SV2C: variants seen among roughly 807,000 people sequenced by gnomAD.
The protein encoded by SV2C is solute carrier family 22 member B3.
A neutral mutation model predicts 79.7 loss-of-function variants in SV2C; 49 were observed. The observed-to-expected ratio is 0.61, with a 90% confidence interval of 0.49 to 0.78. SV2C has a LOEUF of 0.78. SV2C is among the 30% of genes least tolerant of loss of function. The probability of loss-of-function intolerance (pLI) is 0.00; values close to 1 mark genes in which losing one functional copy is unlikely to be tolerated. For synonymous variants in SV2C, 334 were observed against 333.2 expected (o/e 1.00, Z -0.03); for missense variants, 833 against 912.9 (o/e 0.91, Z 1.13).
rs77037061 is a variant in SV2C at position 76,144,071 on chromosome 5, G to A, written c.580+11741G>A. On this transcript the variant is annotated intron_variant, in intron 2 of 12. Transcript: ENST00000502798. ...AAAAAGTGCACAATCTCAGTTGGTCGTGGTGGTTACGCAACAATGTGAATG... is the reference window on the plus strand; with the variant it reads ...AAAAAGTGCACAATCTCAGTTGGTCATGGTGGTTACGCAACAATGTGAATG... Among the ~76,000 whole-genome samples, 1,409 of 152,228 alleles carry A rather than the reference G, an allele frequency of 9.3e-3. 15 individuals are homozygous for A. Among genetic ancestry groups the A allele is most frequent in the African/African-American group, 0.032 (1,328 of 41,526 alleles).
intron 4 of SV2C, among the ~76,000 whole-genome samples, chr5:76,279,695 C>A (rs77395730): frequency 0.025 from 3,840 of 152,230 alleles, 158 homozygotes; most frequent in African/African-American, 0.085. Context: ...ATAGACCATC[C>A]TTTTGAGGTT....
chr5:76,089,802 T>C (rs953630530), intron 1 of SV2C, among the ~76,000 whole-genome samples: 4 of 152,216 alleles, frequency 2.6e-5, no homozygotes, highest in East Asian at 1.9e-4. Flanking sequence ...TTTTTAACCA[T>C]GAACAAGTTT....
At chr5:76,082,720 A>G (rs1488588154), upstream of SV2C, among the ~76,000 whole-genome samples, 2 of 145,874 alleles carry the variant, frequency 1.4e-5, no homozygotes, top group Non-Finnish European at 3.0e-5. Flanking sequence ...GGCCCTATGT[A>G]GCATTGGGGA....
intron 12 of SV2C, among the ~76,000 whole-genome samples, chr5:76,312,331 C>T (rs973912790): frequency 6.6e-6 from 1 of 152,000 alleles, no homozygotes; most frequent in Non-Finnish European, 1.5e-5. Flanking sequence ...CCACTCACTG[C>T]AATCTCTGCT....
the SV2C span, among the ~76,000 whole-genome samples, chr5:76,047,767 T>C: frequency 1.2e-5 from 1 of 85,806 alleles, no homozygotes; most frequent in Non-Finnish European, 2.7e-5. Context: ...TTTTCTTTTC[T>C]TTTTTTTTTT....
intron 2 of SV2C, among the ~76,000 whole-genome samples, chr5:76,145,173 G>C (rs1749381547): frequency 6.6e-6 from 1 of 152,226 alleles, no homozygotes; most frequent in Non-Finnish European, 1.5e-5. Flanking sequence ...AGCTCCTAGA[G>C]TGGAAGTTAA....
At chr5:75,996,578 A>G in the SV2C span, among the ~76,000 whole-genome samples, 11 of 152,088 alleles carry the variant, frequency 7.2e-5, no homozygotes, top group Non-Finnish European at 1.0e-4. Flanking sequence ...CTTGGGCAGT[A>G]TGGCCATTTT....
chr5:76,096,333 G>GA, intron 1 of SV2C, among the ~76,000 whole-genome samples: 1 of 152,040 alleles, frequency 6.6e-6, no homozygotes, highest in Admixed American at 6.5e-5. Context: ...TTTATGCTGA[G>GA]AAAAAAGGAA....
chr5:75,881,480 T>C, the SV2C span, among the ~76,000 whole-genome samples: 1 of 152,158 alleles, frequency 6.6e-6, no homozygotes, highest in Admixed American at 6.5e-5. Context: ...TCTTGAGCAG[T>C]GGTTTGTAGT....
At chr5:76,124,263 C>G (rs962387590) in intron 1 of SV2C, among the ~76,000 whole-genome samples, 9 of 152,102 alleles carry the variant, frequency 5.9e-5, no homozygotes, top group Admixed American at 5.2e-4. Context: ...ATGAAAACTC[C>G]CCATTCCCCA....
chr5:76,130,013 C>G (rs1748826289), intron 1 of SV2C, among the ~76,000 whole-genome samples: 1 of 151,734 alleles, frequency 6.6e-6, no homozygotes, highest in African/African-American at 2.4e-5. Context: ...CTCTCTGCCC[C>G]TTTTCCCTGA....
chr5:76,094,135 C>T (rs982644283), intron 1 of SV2C, among the ~76,000 whole-genome samples: 1 of 152,240 alleles, frequency 6.6e-6, no homozygotes, highest in East Asian at 1.9e-4. Context: ...AGTTTCAGCA[C>T]TATAAGAAAC....
the SV2C span, among the ~76,000 whole-genome samples, chr5:75,909,467 G>A: frequency 8.2e-4 from 125 of 152,328 alleles, no homozygotes; most frequent in Non-Finnish European, 1.6e-3. Context: ...TTGACATACT[G>A]TAGGAGTGCC....
At chr5:75,960,729 T>G in the SV2C span, among the ~76,000 whole-genome samples, 4 of 152,002 alleles carry the variant, frequency 2.6e-5, no homozygotes, top group African/African-American at 9.7e-5. Flanking sequence ...TCAGAAAGTG[T>G]CCCTGTCATT....
intron 12 of SV2C, among the ~76,000 whole-genome samples, chr5:76,343,580 A>G (rs1411631990): frequency 6.6e-6 from 1 of 152,232 alleles, no homozygotes; most frequent in Non-Finnish European, 1.5e-5. Flanking sequence ...GCTGACAAGG[A>G]GCACTCACCA....
the SV2C span, among the ~76,000 whole-genome samples, chr5:76,066,078 C>T: frequency 2.0e-5 from 3 of 152,100 alleles, no homozygotes; most frequent in African/African-American, 4.8e-5. Context: ...TACCATTTGA[C>T]CCAGCCATCC....
intron 1 of SV2C, among the ~76,000 whole-genome samples, chr5:76,092,789 A>G (rs554247753): frequency 1.4e-4 from 22 of 152,122 alleles, no homozygotes; most frequent in African/African-American, 4.8e-4. Context: ...CCATACACAT[A>G]TTTATCTGTG....
the SV2C span, among the ~76,000 whole-genome samples, chr5:76,004,201 G>A: frequency 1.3e-5 from 2 of 152,152 alleles, no homozygotes; most frequent in Non-Finnish European, 2.9e-5. Context: ...GGATAATGGC[G>A]CTTATGGTTA....
At chr5:76,128,495 G>A (rs538209226) in intron 1 of SV2C, among the ~76,000 whole-genome samples, 1 of 152,184 alleles carries the variant, frequency 6.6e-6, no homozygotes, top group Non-Finnish European at 1.5e-5. Flanking sequence ...GGGTGAGGCA[G>A]ATGAAGATAA....
Sources: gnomAD v4.1 joint callset for allele counts (sites outside exome capture counted in the v4.1 genomes callset) on GRCh38, gnomAD v4.1.1 for gene constraint, MANE v1.5 for transcripts, NCBI Gene and HGNC (gene_info 2026-07-23, HGNC 2026-07-21) for gene names.